The following KCND3 variants were observed in gnomAD, a reference collection of about 807,000 sequenced individuals.
The protein encoded by KCND3 is potassium voltage-gated channel subfamily D member 3, also known as A-type voltage-gated potassium channel KCND3.
Under a neutral mutation model 51.1 loss-of-function variants are expected in KCND3, and 9 were observed. That is an observed-to-expected ratio of 0.18 (90% CI 0.11 to 0.31). KCND3 has a LOEUF of 0.31. Ranked by LOEUF, KCND3 falls within the 10% of genes least tolerant of loss-of-function variation. The pLI, the probability that KCND3 is intolerant of heterozygous loss-of-function variation, is 1.00. For synonymous variants in KCND3, 349 were observed against 368.0 expected (o/e 0.95, Z 0.59); for missense variants, 526 against 903.8 (o/e 0.58, Z 5.36).
At chr1:111,964,109 C>T (rs1199653866) in intron 2 of KCND3, among the ~76,000 whole-genome samples, 1 of 152,216 alleles carries the variant, frequency 6.6e-6, no homozygotes, top group East Asian at 1.9e-4. Context: ...CAGGCACTTA[C>T]ATGCCATTAT....
chr1:111,869,159 C>G (rs1232631238), intron 2 of KCND3, among the ~76,000 whole-genome samples: 1 of 152,202 alleles, frequency 6.6e-6, no homozygotes, highest in African/African-American at 2.4e-5. Flanking sequence ...ATGCTTCTTT[C>G]TCCCTTTCCT....
At chr1:111,949,761 G>T (rs2101903343) in intron 2 of KCND3, among the ~76,000 whole-genome samples, 1 of 151,684 alleles carries the variant, frequency 6.6e-6, no homozygotes, top group African/African-American at 2.4e-5. Flanking sequence ...GGTTTAACAT[G>T]TGATTCCTTC....
chr1:111,865,311 A>G (rs1449740335), intron 2 of KCND3, among the ~76,000 whole-genome samples: 1 of 152,230 alleles, frequency 6.6e-6, no homozygotes, highest in African/African-American at 2.4e-5. Flanking sequence ...AAGCCAAACT[A>G]CAGTAGGGGG....
At chr1:111,989,146 A>G (rs1171170782) in intron 1 of KCND3, 4 of 152,140 alleles carry the variant, frequency 2.6e-5, no homozygotes, top group Non-Finnish European at 5.9e-5. Flanking sequence ...ACTTTCAGCC[A>G]TTTCTCTCCT....
chr1:111,970,258 C>T (rs1005084657), intron 2 of KCND3, among the ~76,000 whole-genome samples: 12 of 152,134 alleles, frequency 7.9e-5, no homozygotes, highest in African/African-American at 2.7e-4. Flanking sequence ...CTCAGTTGAT[C>T]CACTCACCTC....
intron 6 of KCND3, 65 bp from the exon 7 acceptor site, chr1:111,777,338 A>G (rs1664173452): frequency 6.5e-7 from 1 of 1,535,410 alleles, no homozygotes; most frequent in Non-Finnish European, 9.0e-7. Flanking sequence ...AAGCCCCTAT[A>G]CTCTGTATGG....
chr1:111,957,302 T>G lies in KCND3; in HGVS notation c.1106+24319A>C, dbSNP rs530765418. 2.6e-5 allele frequency among the ~76,000 whole-genome samples: 4 copies of G among 152,326 alleles called. No homozygotes were observed. The East Asian group carries it at 7.7e-4, about 29-fold the overall frequency. ...GCTACTCAGTCCAGTCTGTGATTTC[T>G]TGGTAACTGGTTCTGTTTCATCCGG... On this transcript the variant is annotated intron_variant, in intron 2 of 7. Transcript: ENST00000302127.
chr1:111,856,187 GT>G (rs1296753943), intron 2 of KCND3, among the ~76,000 whole-genome samples: 1 of 152,218 alleles, frequency 6.6e-6, no homozygotes, highest in Non-Finnish European at 1.5e-5. Flanking sequence ...TAGCAGGGGT[GT>G]TTTCACTGTC....
At position 111,780,763 on chromosome 1, in the gene KCND3, G is replaced by T; in HGVS notation, c.1298C>A (p.Ala433Asp). The change falls in exon 4 of 8, where the codon GCC becomes GAC. Residue 433 changes from alanine to aspartate, a missense_variant. This residue lies in a region of KCND3 where 266 missense variants were observed against 305.5 expected (regional missense o/e 0.87). Transcript: ENST00000302127. This position sits in a 1 kb window ranked among gnomAD's most constrained non-coding sequence, Gnocchi z 4.2. ...GTATGCATTCGAACTGCCTGTTTTG[G>T]CCACACGGATCCTGGCAAGGCGGGC... Reference protein sequence around the residue: ...KKARLARIRVAKTGSSNAYLH... With the variant: ...KKARLARIRVDKTGSSNAYLH... 6.2e-7 allele frequency: 1 copy of T among 1,613,488 alleles called. No homozygotes were observed. Among genetic ancestry groups the T allele is most frequent in the Non-Finnish European group, 8.5e-7 (1 of 1,179,870 alleles).
intron 2 of KCND3, among the ~76,000 whole-genome samples, chr1:111,980,238 G>GT (rs1674874581): frequency 1.3e-4 from 19 of 151,848 alleles, no homozygotes; most frequent in Admixed American, 6.6e-4. Flanking sequence ...GTGTGTGTGT[G>GT]GGTTGGAGTG....
intron 2 of KCND3, among the ~76,000 whole-genome samples, chr1:111,926,490 C>T (rs553060342): frequency 6.6e-6 from 1 of 152,366 alleles, no homozygotes; most frequent in East Asian, 1.9e-4. Flanking sequence ...AGTCCTGAGC[C>T]TGACCTCCAT....
intron 2 of KCND3, among the ~76,000 whole-genome samples, chr1:111,959,441 C>A (rs1249608657): frequency 6.6e-6 from 1 of 152,164 alleles, no homozygotes; most frequent in African/African-American, 2.4e-5. Context: ...TTCCCTTGCC[C>A]CAGGAAGCTC....
At chr1:111,892,888 G>C (rs1394833340) in intron 2 of KCND3, among the ~76,000 whole-genome samples, 2 of 152,202 alleles carry the variant, frequency 1.3e-5, no homozygotes, top group Non-Finnish European at 2.9e-5. Flanking sequence ...AATTCAAACA[G>C]GGAGCCCAAG....
At chr1:111,848,161 A>G (rs906111593) in intron 2 of KCND3, among the ~76,000 whole-genome samples, 27 of 152,288 alleles carry the variant, frequency 1.8e-4, no homozygotes, top group African/African-American at 6.5e-4. Context: ...CTCCTCAGCC[A>G]CGCGATCGCC....
chr1:111,898,949 C>A (rs1199755896), intron 2 of KCND3, among the ~76,000 whole-genome samples: 1 of 152,186 alleles, frequency 6.6e-6, no homozygotes, highest in East Asian at 1.9e-4. Context: ...TCTTACTGTT[C>A]TTTTTCCCAT....
chr1:111,818,275 G>A (rs759249435), intron 2 of KCND3, among the ~76,000 whole-genome samples: 22 of 152,218 alleles, frequency 1.4e-4, no homozygotes, highest in African/African-American at 4.8e-4. Context: ...ATCTGCCTGC[G>A]CCAGGGCCCG....
In KCND3 at chr1:111,847,220, T is replaced by C. The variant is rs541248324; in HGVS notation, c.1107-60114A>G. The stretch of plus-strand genomic sequence containing the variant: ...GGCAGCAGGGCCATCTTCCTTCCCA[T>C]AGTATTGGGGTTTTCATATCACAGA... On this transcript the variant is annotated intron_variant, in intron 2 of 7. Transcript: ENST00000302127. Among the ~76,000 whole-genome samples the C allele has an allele frequency of 2.0e-5, 3 of 152,184 alleles. No individual in the cohort carries two copies. The East Asian group carries it at 5.8e-4, about 29-fold the overall frequency.
intron 2 of KCND3, among the ~76,000 whole-genome samples, chr1:111,932,656 C>T (rs1672034337): frequency 6.6e-6 from 1 of 152,200 alleles, no homozygotes; most frequent in South Asian, 2.1e-4. Flanking sequence ...TTATTTCACC[C>T]AGCACTGTCC....
At chr1:111,915,519 G>A (rs1212241217) in intron 2 of KCND3, among the ~76,000 whole-genome samples, 3 of 152,048 alleles carry the variant, frequency 2.0e-5, no homozygotes, top group Admixed American at 6.6e-5. Context: ...TTGGGAGGCC[G>A]AGGTGGGAGG....
Sources: allele counts gnomAD v4.1 joint callset (sites outside exome capture counted in the v4.1 genomes callset), GRCh38; gene constraint gnomAD v4.1.1; regional missense constraint gnomAD v4.1.1; non-coding constraint Gnocchi (gnomAD v3.1); transcripts MANE v1.5; gene names NCBI Gene and HGNC (gene_info 2026-07-23, HGNC 2026-07-21).